NRG1: variants seen among roughly 807,000 people sequenced by gnomAD.
The protein encoded by NRG1 is neuregulin 1, also known as pro-neuregulin-1, membrane-bound isoform.
NRG1 carries 18 observed loss-of-function variants against 63.8 expected under a neutral mutation model. That is an observed-to-expected ratio of 0.28 (90% CI 0.19 to 0.42). NRG1 has a LOEUF of 0.42. NRG1 is among the 10% of genes least tolerant of loss of function. The pLI, the probability that NRG1 is intolerant of heterozygous loss-of-function variation, is 1.00. For synonymous variants in NRG1, 302 were observed against 301.3 expected (o/e 1.00, Z -0.02); for missense variants, 762 against 814.7 (o/e 0.94, Z 0.79).
In NRG1 at chr8:32,080,782, T is replaced by C. The variant is rs901633532; in HGVS notation, c.37+441351T>C. Among the ~76,000 whole-genome samples the C allele has an allele frequency of 1.5e-3, 232 of 150,752 alleles. 1 individual carries two copies. Among genetic ancestry groups the C allele is most frequent in the African/African-American group, 3.5e-3 (141 of 40,832 alleles). The stretch of plus-strand genomic sequence containing the variant: ...GTGTGTGCGTGTGTGTGTGTGTGTG[T>C]GTGTGTGTGTGTGTGTGTGTGTGTG... On this transcript the variant is annotated intron_variant, in intron 1 of 10. Coordinates refer to the NRG1 transcript ENST00000519301.
chr8:32,253,424 C>T (rs1258450794), intron 1 of NRG1, among the ~76,000 whole-genome samples: 1 of 152,106 alleles, frequency 6.6e-6, no homozygotes, highest in East Asian at 1.9e-4. Context: ...TTATGGAAGG[C>T]CTTTTCTGCA....
chr8:32,004,615 A>G (rs925974451), intron 1 of NRG1, among the ~76,000 whole-genome samples: 2 of 151,868 alleles, frequency 1.3e-5, no homozygotes, highest in African/African-American at 4.8e-5. Flanking sequence ...AAAAAATTAC[A>G]CCCCAGAAAG....
chr8:32,696,779 A>G (rs1813436062), intron 5 of NRG1, among the ~76,000 whole-genome samples: 1 of 149,712 alleles, frequency 6.7e-6, no homozygotes, highest in African/African-American at 2.5e-5. Context: ...CTCCTGCCTC[A>G]GCCTCCAAGT....
intron 1 of NRG1, among the ~76,000 whole-genome samples, chr8:32,040,084 C>T (rs1409775039): frequency 6.6e-6 from 1 of 152,078 alleles, no homozygotes; most frequent in Non-Finnish European, 1.5e-5. Flanking sequence ...TGACTTTATT[C>T]CAGTGCTTAC....
intron 5 of NRG1, chr8:32,648,392 G>A (rs1206400571): frequency 2.8e-6 from 2 of 706,334 alleles, no homozygotes; most frequent in Non-Finnish European, 3.8e-6. Flanking sequence ...TTTGTAAGTA[G>A]AGAGAGAGAG....
intron 1 of NRG1, among the ~76,000 whole-genome samples, chr8:31,678,787 T>C (rs1250926971): frequency 6.8e-6 from 1 of 148,096 alleles, no homozygotes; most frequent in Non-Finnish European, 1.5e-5. Context: ...ATTAAATATT[T>C]AAATATTTAT....
chr8:32,059,408 G>C (rs1351609272), intron 1 of NRG1, among the ~76,000 whole-genome samples: 2 of 151,632 alleles, frequency 1.3e-5, no homozygotes, highest in African/African-American at 2.4e-5. Flanking sequence ...CAATCTTCTT[G>C]GTTAGATCTG....
At chr8:31,981,395 G>T (rs1054584122) in intron 1 of NRG1, among the ~76,000 whole-genome samples, 1 of 151,948 alleles carries the variant, frequency 6.6e-6, no homozygotes. Flanking sequence ...ACGCTCCTGA[G>T]TGGCCATCTT....
chr8:32,345,079 G>A (rs973536), intron 1 of NRG1, among the ~76,000 whole-genome samples: 78,578 of 151,986 alleles, frequency 0.52, 21,241 homozygotes, highest in Non-Finnish European at 0.61. Flanking sequence ...TGCAGGTGAT[G>A]TAGACATCAT....
At chr8:31,939,130 A>G (rs1380664635) in intron 1 of NRG1, among the ~76,000 whole-genome samples, 2 of 152,184 alleles carry the variant, frequency 1.3e-5, no homozygotes. Flanking sequence ...TCTAAAGTCA[A>G]GATGAAGGAA....
chr8:32,029,702 A>C lies in NRG1; in HGVS notation c.37+390271A>C, dbSNP rs184140121. Among the ~76,000 whole-genome samples the C allele has an allele frequency of 1.2e-3, 182 of 152,378 alleles. 1 individual carries two copies. Among genetic ancestry groups the C allele is most frequent in the Middle Eastern group, 3.4e-3 (1 of 294 alleles). On this transcript the variant is annotated intron_variant, in intron 1 of 10. Transcript: ENST00000519301. ...ACTCATATCGAGGTTTCTAAAGCCC[A>C]CATCTGATACGATTTAACATTACCT... is the stretch of plus-strand genomic sequence containing the variant.
At chr8:32,255,959 G>A (rs1415148452) in intron 1 of NRG1, among the ~76,000 whole-genome samples, 1 of 151,930 alleles carries the variant, frequency 6.6e-6, no homozygotes, top group Admixed American at 6.6e-5. Flanking sequence ...TCATTAAGTT[G>A]ATCTTCAGTC....
At chr8:32,184,247 A>T (rs963014857) in intron 1 of NRG1, among the ~76,000 whole-genome samples, 1 of 152,198 alleles carries the variant, frequency 6.6e-6, no homozygotes, top group Non-Finnish European at 1.5e-5. Context: ...TAGAAATAGC[A>T]TATGAGCACT....
intron 1 of NRG1, among the ~76,000 whole-genome samples, chr8:31,832,341 C>G (rs117384116): frequency 0.011 from 1,668 of 151,448 alleles, 10 homozygotes; most frequent in Non-Finnish European, 0.017. Flanking sequence ...TCACTGCAAC[C>G]TCCAACTCCC....
chr8:32,623,729 T>C (rs2129542885), intron 5 of NRG1, among the ~76,000 whole-genome samples: 1 of 152,348 alleles, frequency 6.6e-6, no homozygotes, highest in East Asian at 1.9e-4. Flanking sequence ...TTTTATTCTG[T>C]ATATGAATAT....
intron 1 of NRG1, among the ~76,000 whole-genome samples, chr8:32,594,159 TC>T (rs1842974209): frequency 6.6e-6 from 1 of 152,186 alleles, no homozygotes; most frequent in South Asian, 2.1e-4. Flanking sequence ...CAAATAGAGT[TC>T]CCTGAGTAGG....
chr8:31,955,911 T>C (rs185694734), intron 1 of NRG1, among the ~76,000 whole-genome samples: 46 of 151,486 alleles, frequency 3.0e-4, no homozygotes, highest in Non-Finnish European at 5.2e-4. Flanking sequence ...CATGGTAGTG[T>C]CTGCCTGTAG....
intron 1 of NRG1, among the ~76,000 whole-genome samples, chr8:32,071,132 T>A (rs1825703325): frequency 6.6e-6 from 1 of 152,224 alleles, no homozygotes; most frequent in Admixed American, 6.5e-5. Flanking sequence ...GTAGCACTTC[T>A]CATGACTGGT....
intron 1 of NRG1, among the ~76,000 whole-genome samples, chr8:32,212,724 A>G (rs1027201295): frequency 6.6e-6 from 1 of 152,182 alleles, no homozygotes; most frequent in Non-Finnish European, 1.5e-5. Flanking sequence ...GTATTAATAT[A>G]AATCTAGTTC....
Sources: allele counts gnomAD v4.1 joint callset (sites outside exome capture counted in the v4.1 genomes callset), GRCh38; gene constraint gnomAD v4.1.1; transcripts MANE v1.5; gene names NCBI Gene and HGNC (gene_info 2026-07-23, HGNC 2026-07-21).